CHRM3: variants seen among roughly 807,000 people sequenced by gnomAD.
CHRM3 encodes cholinergic receptor muscarinic 3.
A neutral mutation model predicts 41.8 loss-of-function variants in CHRM3; 11 were observed. The observed-to-expected ratio is 0.26, with a 90% CI of 0.17 to 0.44. The LOEUF (loss-of-function observed/expected upper bound fraction) is 0.44. Among genes scored for constraint, CHRM3 ranks in the 20% least tolerant of loss-of-function variants. The pLI is 1.00. For synonymous variants in CHRM3, 297 were observed against 301.4 expected (o/e 0.99, Z 0.15); for missense variants, 571 against 745.4 (o/e 0.77, Z 2.72).
intron 3 of CHRM3, among the ~76,000 whole-genome samples, chr1:239,621,727 G>C (rs1668379789): frequency 6.6e-6 from 1 of 152,216 alleles, no homozygotes; most frequent in African/African-American, 2.4e-5. Context: ...GAAGAAGAAT[G>C]TGAAGCTAGC....
intron 5 of CHRM3, among the ~76,000 whole-genome samples, chr1:239,697,219 T>TG (rs1164421156): frequency 1.3e-5 from 2 of 152,152 alleles, no homozygotes; most frequent in African/African-American, 4.8e-5. Flanking sequence ...AATTGAATCA[T>TG]GGGGGCAGGT....
At chr1:239,786,022 A>C (rs76021288) in intron 5 of CHRM3, among the ~76,000 whole-genome samples, 4,765 of 152,258 alleles carry the variant, frequency 0.031, 218 homozygotes, top group South Asian at 0.096. Context: ...GATCAGTCTA[A>C]TATTTTAAAC....
chr1:239,901,960 A>G (rs1385600943), intron 6 of CHRM3, among the ~76,000 whole-genome samples: 1 of 152,076 alleles, frequency 6.6e-6, no homozygotes, highest in Admixed American at 6.5e-5. Context: ...CTTATTATCA[A>G]TTTATTCACT....
At chr1:239,408,540 A>AAC (rs1660816507) in intron 1 of CHRM3, among the ~76,000 whole-genome samples, 1 of 151,570 alleles carries the variant, frequency 6.6e-6, no homozygotes, top group Non-Finnish European at 1.5e-5. Context: ...AAAAAAAAAA[A>AAC]AAAACTCTCT....
chr1:239,658,601 C>T (rs1672919539), intron 4 of CHRM3, among the ~76,000 whole-genome samples: 1 of 152,128 alleles, frequency 6.6e-6, no homozygotes, highest in Non-Finnish European at 1.5e-5. Flanking sequence ...TATTGGGACC[C>T]AATCAATAAT....
chr1:239,641,042 G>T (rs1269787969), intron 4 of CHRM3, among the ~76,000 whole-genome samples: 1 of 152,110 alleles, frequency 6.6e-6, no homozygotes, highest in Admixed American at 6.5e-5. Flanking sequence ...TCATTCAGGA[G>T]CAGGTTGTTC....
chr1:239,412,714 G>A (rs1308312480), intron 1 of CHRM3, among the ~76,000 whole-genome samples: 1 of 152,022 alleles, frequency 6.6e-6, no homozygotes, highest in East Asian at 1.9e-4. Context: ...TAGGATAAAT[G>A]AGTAGAATAA....
intron 3 of CHRM3, among the ~76,000 whole-genome samples, chr1:239,584,175 C>T (rs1197686986): frequency 1.4e-5 from 2 of 145,062 alleles, no homozygotes; most frequent in African/African-American, 2.6e-5. Context: ...GCGATCTTGG[C>T]TCACTGCAAC....
chr1:239,810,520 G>A (rs1671036532), intron 5 of CHRM3, among the ~76,000 whole-genome samples: 1 of 152,166 alleles, frequency 6.6e-6, no homozygotes, highest in Non-Finnish European at 1.5e-5. Flanking sequence ...CTGAGAAGGG[G>A]GAGGATTTCC....
intron 3 of CHRM3, among the ~76,000 whole-genome samples, chr1:239,604,677 T>C (rs1182655659): frequency 3.3e-5 from 5 of 152,150 alleles, no homozygotes; most frequent in African/African-American, 1.2e-4. Flanking sequence ...CCAAGAGAAA[T>C]AGATCTCAAC....
chr1:239,738,483 A>G (rs1033182001), intron 5 of CHRM3, among the ~76,000 whole-genome samples: 9 of 152,302 alleles, frequency 5.9e-5, no homozygotes, highest in African/African-American at 2.2e-4. Context: ...GGGGTTTGGG[A>G]GTCCAGGAAG....
intron 3 of CHRM3, among the ~76,000 whole-genome samples, chr1:239,547,342 A>C (rs1462525022): frequency 2.0e-5 from 3 of 152,126 alleles, no homozygotes; most frequent in Non-Finnish European, 2.9e-5. Context: ...GAGACTAATA[A>C]AAAGAGATCT....
chr1:239,416,388 G>C (rs1661505721), intron 1 of CHRM3, among the ~76,000 whole-genome samples: 1 of 146,864 alleles, frequency 6.8e-6, no homozygotes, highest in South Asian at 2.2e-4. Context: ...GTGGTAAAGA[G>C]TACAACTTCT....
intron 5 of CHRM3, among the ~76,000 whole-genome samples, chr1:239,726,069 C>T (rs529464223): frequency 1.6e-4 from 25 of 152,052 alleles, no homozygotes; most frequent in African/African-American, 5.8e-4. Context: ...CATGCACGTT[C>T]ATTTACATGT....
At position 239,561,756 on chromosome 1, in the gene CHRM3, A is replaced by G. The variant is rs529965756; in HGVS notation, c.-313+16007A>G. On this transcript the variant is annotated intron_variant, in intron 3 of 6. Transcript: ENST00000676153. ...CTCATTAGCATGTAAACTCTATGAA[A>G]AGTAGAGAAAATACCTGGACTCTTG... Among the ~76,000 whole-genome samples the G allele has an allele frequency of 6.6e-5, 10 of 152,226 alleles. No homozygotes were observed. The South Asian group carries it at 2.1e-3, about 32-fold the overall frequency.
intron 5 of CHRM3, among the ~76,000 whole-genome samples, chr1:239,723,285 G>A (rs1663142968): frequency 6.6e-6 from 1 of 151,572 alleles, no homozygotes; most frequent in Non-Finnish European, 1.5e-5. Context: ...GGTATTCTAA[G>A]GATAAAATAA....
At chr1:239,659,130 G>T in intron 4 of CHRM3, among the ~76,000 whole-genome samples, 1 of 152,054 alleles carries the variant, frequency 6.6e-6, no homozygotes, top group Non-Finnish European at 1.5e-5. Flanking sequence ...TTTGCTCAAG[G>T]TTAACAGGTA....
chr1:239,678,686 C>T (rs1435821718), intron 5 of CHRM3, among the ~76,000 whole-genome samples: 6 of 152,030 alleles, frequency 3.9e-5, no homozygotes, highest in Admixed American at 3.9e-4. Context: ...ACTTCTTTCC[C>T]CTCCCCAAAT....
At chr1:239,587,170 C>T (rs987500796) in intron 3 of CHRM3, among the ~76,000 whole-genome samples, 1 of 152,158 alleles carries the variant, frequency 6.6e-6, no homozygotes, top group African/African-American at 2.4e-5. Flanking sequence ...GGCAAGCAGG[C>T]CCCTGGCCTC....
Sources: gnomAD v4.1 joint callset for allele counts (sites outside exome capture counted in the v4.1 genomes callset) on GRCh38, gnomAD v4.1.1 for gene constraint, MANE v1.5 for transcripts, NCBI Gene and HGNC (gene_info 2026-07-23, HGNC 2026-07-21) for gene names.